The following ZBTB38 variants were observed in gnomAD, a reference collection of about 807,000 sequenced individuals.
The protein encoded by ZBTB38 is zinc finger and BTB domain containing 38.
Under a neutral mutation model 76.8 loss-of-function variants are expected in ZBTB38, and 20 were observed. The observed-to-expected ratio is 0.26, with a 90% CI of 0.18 to 0.38. The LOEUF (loss-of-function observed/expected upper bound fraction) is 0.38. ZBTB38 is among the 10% of genes least tolerant of loss of function. ZBTB38 has a pLI of 1.00. For missense variants in ZBTB38, 1,082 were observed against 1,482.3 expected (o/e 0.73, Z 4.43); for synonymous variants, 504 against 544.2 (o/e 0.93, Z 1.03).
intron 2 of ZBTB38, among the ~76,000 whole-genome samples, chr3:141,373,212 C>T (rs1181939452): frequency 6.6e-6 from 1 of 152,214 alleles, no homozygotes. Context: ...TCAAAGGAGA[C>T]AGCCTGGGAA....
rs116004618 is a variant in ZBTB38, at chr3:141,359,386, G to A, written c.-738-9235G>A. Reference sequence around the variant, plus strand: ...GGCCAGGATCATGCCACACATCCATGCCTTAGTTGCGAGGTAGGCTGAGCA... The same window carrying A: ...GGCCAGGATCATGCCACACATCCATACCTTAGTTGCGAGGTAGGCTGAGCA... On this transcript the variant is annotated intron_variant, in intron 1 of 7. Coordinates refer to the ZBTB38 transcript ENST00000509842. 3.5e-3 allele frequency among the ~76,000 whole-genome samples: 538 copies of A among 152,308 alleles called. 3 individuals are homozygous for A. Among genetic ancestry groups the A allele is most frequent in the Non-Finnish European group, 5.9e-3 (404 of 68,030 alleles).
chr3:141,330,804 G>A (rs1376889436), intron 1 of ZBTB38, among the ~76,000 whole-genome samples: 1 of 152,192 alleles, frequency 6.6e-6, no homozygotes, highest in Non-Finnish European at 1.5e-5. Flanking sequence ...GGAACTGGTG[G>A]TTTTACAAGA....
chr3:141,336,388 T>C (rs1943017141), intron 1 of ZBTB38, among the ~76,000 whole-genome samples: 1 of 152,090 alleles, frequency 6.6e-6, no homozygotes, highest in African/African-American at 2.4e-5. Context: ...TGATAAAATT[T>C]ACTATTTTAT....
At chr3:141,388,145 C>T (rs1046729814) in intron 4 of ZBTB38, 1 of 151,658 alleles carries the variant, frequency 6.6e-6, no homozygotes, top group Admixed American at 6.6e-5. Flanking sequence ...GGTGTGGTGC[C>T]ATTAGACAAC....
intron 5 of ZBTB38, among the ~76,000 whole-genome samples, chr3:141,411,584 G>A (rs1327831110): frequency 6.6e-6 from 1 of 152,150 alleles, no homozygotes; most frequent in African/African-American, 2.4e-5. Flanking sequence ...TTGAGGAAGC[G>A]GAGGCAAGAA....
intron 1 of ZBTB38, among the ~76,000 whole-genome samples, chr3:141,326,081 G>A (rs1340859835): frequency 2.0e-5 from 3 of 151,928 alleles, no homozygotes; most frequent in Non-Finnish European, 4.4e-5. Context: ...AAATCATCTC[G>A]AAGAGGCATT....
intron 5 of ZBTB38, among the ~76,000 whole-genome samples, chr3:141,430,182 C>G (rs143775059): frequency 6.6e-6 from 1 of 152,164 alleles, no homozygotes; most frequent in Admixed American, 6.5e-5. Context: ...TCTCCTGCCT[C>G]AGCCTCCCGA....
intron 1 of ZBTB38, among the ~76,000 whole-genome samples, chr3:141,346,157 G>C (rs749732845): frequency 1.3e-5 from 2 of 152,162 alleles, no homozygotes; most frequent in Non-Finnish European, 2.9e-5. Context: ...TCACCTCAGA[G>C]AGTCTCCACC....
At chr3:141,363,453 G>C (rs1184967721) in intron 1 of ZBTB38, among the ~76,000 whole-genome samples, 5 of 152,168 alleles carry the variant, frequency 3.3e-5, no homozygotes, top group South Asian at 2.1e-4. Context: ...TTTTGAAAGA[G>C]AACAAAGTTG....
upstream of ZBTB38, among the ~76,000 whole-genome samples, chr3:141,364,792 A>C (rs1421181813): frequency 6.6e-6 from 1 of 151,594 alleles, no homozygotes; most frequent in Admixed American, 6.6e-5. Flanking sequence ...CTGAAAACAC[A>C]CTCAACATCA....
At chr3:141,390,134 A>G (rs1251423787) in intron 4 of ZBTB38, 1 of 152,214 alleles carries the variant, frequency 6.6e-6, no homozygotes, top group Admixed American at 6.5e-5. Context: ...CTTTGCCTTC[A>G]TATTTCACAG....
At chr3:141,436,652 C>T (rs2150742192) in intron 5 of ZBTB38, among the ~76,000 whole-genome samples, 1 of 152,224 alleles carries the variant, frequency 6.6e-6, no homozygotes, top group Non-Finnish European at 1.5e-5. Context: ...CACTCACCAC[C>T]ATGCCTGTCT....
chr3:141,350,497 C>T (rs1208960138), intron 1 of ZBTB38, among the ~76,000 whole-genome samples: 1 of 152,122 alleles, frequency 6.6e-6, no homozygotes, highest in Non-Finnish European at 1.5e-5. Flanking sequence ...CTTCTTTGCT[C>T]CTGAGACCTC....
chr3:141,349,186 G>A (rs1027630646), intron 1 of ZBTB38, among the ~76,000 whole-genome samples: 1 of 152,158 alleles, frequency 6.6e-6, no homozygotes, highest in Non-Finnish European at 1.5e-5. Flanking sequence ...CTCTAAAAAT[G>A]AGGTGGCCCC....
Position 141,444,727 on chromosome 3 carries a change from C to G in ZBTB38, c.2339C>G (p.Thr780Ser), listed in dbSNP as rs754097149. 1.7e-5 allele frequency: 27 copies of G among 1,613,988 alleles called. 1 individual carries two copies. Among genetic ancestry groups the G allele is most frequent in the Non-Finnish European group, 2.0e-5 (24 of 1,180,026 alleles). The change falls in exon 6 of 6, where the codon ACT becomes AGT. Residue 780 changes from threonine (T) to serine (S), a missense_variant. Thr to Ser is a moderately conservative substitution (Grantham distance 58). Transcript: ENST00000321464. The surrounding 1 kb of genome is among the most constrained non-coding windows in gnomAD (Gnocchi z 5.1). ...RPKSIKEKKK[T>S]TSHTRGEIPE... ...AAAAGCATTAAGGAGAAAAAGAAAA[C>G]TACATCACATACCAGGGGAGAAATA...
rs1953343257 is a variant in ZBTB38, at chr3:141,403,989, C to T, written c.-43C>T. ...GATTTCCAAGTGATTTCTTCCAAAGCACAGGAATCTCACTCTGTTAAAGCT... is the reference window on the plus strand; with the variant it reads ...GATTTCCAAGTGATTTCTTCCAAAGTACAGGAATCTCACTCTGTTAAAGCT... On this transcript the variant is annotated 5_prime_UTR_variant, in exon 5 of 6. Transcript: ENST00000321464. The T allele has an allele frequency of 6.6e-6, 1 of 152,110 alleles. No individual in the cohort carries two copies. Among genetic ancestry groups the T allele is most frequent in the African/African-American group, 2.4e-5 (1 of 41,400 alleles). 9.4% of individuals were successfully genotyped at this position (152,110 alleles called of 1,614,324 possible).
chr3:141,424,644 G>A (rs1284784811), intron 5 of ZBTB38, among the ~76,000 whole-genome samples: 1 of 147,772 alleles, frequency 6.8e-6, no homozygotes, highest in African/African-American at 2.6e-5. Flanking sequence ...GTATGTGTGT[G>A]TGTGCGTGTG....
At chr3:141,327,289 A>AG (rs1352470718) in intron 1 of ZBTB38, among the ~76,000 whole-genome samples, 1 of 152,174 alleles carries the variant, frequency 6.6e-6, no homozygotes, top group East Asian at 1.9e-4. Flanking sequence ...CAGCATGGAA[A>AG]GGGGGAAAAA....
At chr3:141,354,440 A>G (rs917896845) in intron 1 of ZBTB38, among the ~76,000 whole-genome samples, 2 of 152,032 alleles carry the variant, frequency 1.3e-5, no homozygotes, top group African/African-American at 4.8e-5. Context: ...CCCTTTGTCC[A>G]GCCAGCTTCT....
Sources: gnomAD v4.1 joint callset for allele counts (sites outside exome capture counted in the v4.1 genomes callset) on GRCh38, gnomAD v4.1.1 for gene constraint, Gnocchi (gnomAD v3.1) non-coding constraint, MANE v1.5 for transcripts, NCBI Gene and HGNC (gene_info 2026-07-23, HGNC 2026-07-21) for gene names.